Variants in LYN observed in about 807,000 individuals in gnomAD.
LYN encodes LYN proto-oncogene, Src family tyrosine kinase.
In LYN, 12 loss-of-function variants were observed where a neutral mutation model predicts 65.0. That is an observed-to-expected ratio of 0.18 (90% confidence interval 0.12 to 0.30). LYN has a LOEUF of 0.30. LYN is among the 10% of genes least tolerant of loss of function. The pLI is 1.00. For missense variants in LYN, 380 were observed against 623.2 expected (o/e 0.61, Z 4.16); for synonymous variants, 222 against 221.2 (o/e 1.00, Z -0.03).
At chr8:55,960,167 A>G (rs1807233360) in intron 8 of LYN, among the ~76,000 whole-genome samples, 1 of 152,248 alleles carries the variant, frequency 6.6e-6, no homozygotes, top group South Asian at 2.1e-4. Flanking sequence ...GACATGGTAT[A>G]TGAATTATAT....
intron 9 of LYN, 99 bp from the exon 10 acceptor site, chr8:55,969,618 G>T (rs188163347): frequency 5.7e-4 from 514 of 904,174 alleles, no homozygotes; most frequent in Non-Finnish European, 8.7e-4. Flanking sequence ...CAATCATTTT[G>T]TGGGGAGTTC....
intron 10 of LYN, among the ~76,000 whole-genome samples, chr8:55,987,066 T>C (rs1279949409): frequency 6.6e-6 from 1 of 152,028 alleles, no homozygotes; most frequent in African/African-American, 2.4e-5. Context: ...TTTTTGCCTC[T>C]TTTTTTTCCA....
chr8:55,974,420 G>A (rs1298108796), intron 10 of LYN, among the ~76,000 whole-genome samples: 1 of 152,172 alleles, frequency 6.6e-6, no homozygotes, highest in East Asian at 1.9e-4. Context: ...GGTGGAAATT[G>A]GTAAAATGAG....
At chr8:55,951,804 A>G (rs1197279204) in intron 6 of LYN, among the ~76,000 whole-genome samples, 162 bp from the exon 7 acceptor site, 1 of 152,220 alleles carries the variant, frequency 6.6e-6, no homozygotes, top group Non-Finnish European at 1.5e-5. Context: ...TTCATTTGTC[A>G]AGTAGAATTT....
At chr8:55,911,746 G>T (rs1216301750) in intron 1 of LYN, among the ~76,000 whole-genome samples, 1 of 152,170 alleles carries the variant, frequency 6.6e-6, no homozygotes, top group East Asian at 1.9e-4. Flanking sequence ...GATAGGTTTT[G>T]CATGTCCGTG....
chr8:55,979,767 G>C (rs1807864980), intron 10 of LYN, among the ~76,000 whole-genome samples: 1 of 152,126 alleles, frequency 6.6e-6, no homozygotes, highest in South Asian at 2.1e-4. Flanking sequence ...TGGGCTCCTT[G>C]GTATGGTTTC....
chr8:55,981,267 C>G (rs16920156), intron 10 of LYN, among the ~76,000 whole-genome samples: 2 of 152,122 alleles, frequency 1.3e-5, no homozygotes, highest in South Asian at 4.1e-4. Context: ...TCCTCAGTCT[C>G]GGTCCCCGCC....
At chr8:56,002,964 G>A (rs1177173705) in intron 12 of LYN, among the ~76,000 whole-genome samples, 1 of 152,034 alleles carries the variant, frequency 6.6e-6, no homozygotes, top group African/African-American at 2.4e-5. Flanking sequence ...TTTTCCACAC[G>A]GTTATAAAAC....
At chr8:56,002,806 G>C (rs1808556666) in intron 12 of LYN, among the ~76,000 whole-genome samples, 1 of 152,002 alleles carries the variant, frequency 6.6e-6, no homozygotes. Flanking sequence ...AGGAGATCGG[G>C]ATCAGTAAAT....
chr8:55,928,885 C>T (rs1488775879), intron 1 of LYN, among the ~76,000 whole-genome samples: 1 of 151,930 alleles, frequency 6.6e-6, no homozygotes, highest in Non-Finnish European at 1.5e-5. Flanking sequence ...TATGTTATCT[C>T]CTAGGAGTTT....
At chr8:55,955,631 T>C (rs1443678821) in intron 8 of LYN, among the ~76,000 whole-genome samples, 1 of 152,246 alleles carries the variant, frequency 6.6e-6, no homozygotes, top group Non-Finnish European at 1.5e-5. Flanking sequence ...ACTTTCAAAA[T>C]GTTTTTATCA....
intron 1 of LYN, among the ~76,000 whole-genome samples, chr8:55,928,785 A>G (rs1377480677): frequency 6.6e-6 from 1 of 151,902 alleles, no homozygotes; most frequent in African/African-American, 2.4e-5. Flanking sequence ...TTTTTCTTTC[A>G]TGGATCATTT....
In LYN at chr8:55,990,307, G is replaced by A. The variant is rs1243534522; in HGVS notation, c.1051-8039G>A. Among the ~76,000 whole-genome samples the A allele has an allele frequency of 6.0e-5, 9 of 150,068 alleles. 1 individual carries two copies. Among genetic ancestry groups the A allele is most frequent in the Admixed American group, 5.3e-4 (8 of 14,998 alleles). ...TTGAAGGAGTTAAGCTTTGCCTGAA[G>A]AGTTGTAGTAAGCTTGAGTTAAGGT... On this transcript the variant is annotated intron_variant, in intron 10 of 12. Transcript: ENST00000519728.
intron 2 of LYN, among the ~76,000 whole-genome samples, chr8:55,946,037 G>A (rs932982630): frequency 2.0e-5 from 3 of 152,212 alleles, no homozygotes; most frequent in African/African-American, 7.2e-5. Flanking sequence ...AAGGGGAGCT[G>A]ACAGCAAAGC....
At chr8:55,930,623 C>A (rs1217800247) in intron 1 of LYN, among the ~76,000 whole-genome samples, 1 of 152,146 alleles carries the variant, frequency 6.6e-6, no homozygotes, top group Non-Finnish European at 1.5e-5. Context: ...AACCAAAAAA[C>A]CCCACTTGTT....
At chr8:55,916,521 G>A (rs1585595152) in intron 1 of LYN, among the ~76,000 whole-genome samples, 1 of 152,296 alleles carries the variant, frequency 6.6e-6, no homozygotes, top group Admixed American at 6.5e-5. Flanking sequence ...TATCTACACC[G>A]AGGACAGCAT....
At chr8:55,974,672 A>C (rs149391898) in intron 10 of LYN, among the ~76,000 whole-genome samples, 141 of 152,344 alleles carry the variant, frequency 9.3e-4, no homozygotes, top group Non-Finnish European at 1.4e-3. Context: ...TGCCAATATC[A>C]TCCAAAGTGG....
intron 3 of LYN, 82 bp downstream of exon 3, chr8:55,946,575 A>T (rs1245115246): frequency 3.5e-6 from 3 of 863,948 alleles, no homozygotes; most frequent in Admixed American, 4.6e-5. Flanking sequence ...AAATGTTTTT[A>T]TTTTTTTTTA....
rs540346049 is a variant in LYN, at chr8:55,980,715, C to T, written c.1050+10922C>T. On this transcript the variant is annotated intron_variant, in intron 10 of 12. Transcript: ENST00000519728. ...TCTTTGGCTACCCTCTTTCCAGGCT[C>T]CACAAAGTAGGCAGGGACAATTGGA... Among the ~76,000 whole-genome samples the T allele has an allele frequency of 4.6e-5, 7 of 152,344 alleles. 1 individual carries two copies. Among genetic ancestry groups the T allele is most frequent in the African/African-American group, 1.7e-4 (7 of 41,582 alleles).
Sources: gnomAD v4.1 joint callset for allele counts (sites outside exome capture counted in the v4.1 genomes callset) on GRCh38, gnomAD v4.1.1 for gene constraint, MANE v1.5 for transcripts, NCBI Gene and HGNC (gene_info 2026-07-23, HGNC 2026-07-21) for gene names.